RNF144B: variants seen among roughly 807,000 people sequenced by gnomAD.
The protein encoded by RNF144B is ring finger protein 144B.
A neutral mutation model predicts 40.2 loss-of-function variants in RNF144B; 25 were observed. The observed-to-expected ratio is 0.62, with a 90% CI of 0.45 to 0.87. RNF144B has a LOEUF of 0.87. Among genes scored for constraint, RNF144B ranks in the 40% least tolerant of loss-of-function variants. The pLI, the probability that RNF144B is intolerant of heterozygous loss-of-function variation, is 0.00. For synonymous variants in RNF144B, 145 were observed against 136.3 expected, an observed-to-expected ratio of 1.06 and a Z score of -0.44; for missense variants, 365 against 373.7, an observed-to-expected ratio of 0.98 and a Z score of 0.19.
In RNF144B at chr6:18,399,487, A is replaced by G. The variant is rs779068031; in HGVS notation, c.-36-12A>G. On this transcript the variant is annotated splice_polypyrimidine_tract_variant and intron_variant, in intron 1 of 7. Transcript: ENST00000259939. ...ATCCATATAATATTTTCTGCTTTGG[A>G]CCTTTCTATAGGGATTGAGGAGACT... is the stretch of plus-strand genomic sequence containing the variant. The G allele has an allele frequency of 6.3e-6, 10 of 1,585,302 alleles. No individual in the cohort carries two copies. Among genetic ancestry groups the G allele is most frequent in the African/African-American group, 1.3e-5 (1 of 74,174 alleles).
rs72832493 is a variant in RNF144B, at chr6:18,458,356, T to C, written c.536+997T>C. ...CAGCAAGAACAAAATACGAGTGTTGTAATCCCATTGGCTTAATCACACAGT... is the reference window on the plus strand; with the variant it reads ...CAGCAAGAACAAAATACGAGTGTTGCAATCCCATTGGCTTAATCACACAGT... On this transcript the variant is annotated intron_variant, in intron 5 of 7. Transcript: ENST00000259939. This position sits in a 1 kb window ranked among gnomAD's most constrained non-coding sequence, Gnocchi z 4.8. Among the ~76,000 whole-genome samples the C allele has an allele frequency of 0.013, 1,923 of 152,312 alleles. 22 individuals are homozygous for C. The highest frequency in any genetic ancestry group is 0.027 in the Middle Eastern group (8 of 294).
intron 2 of RNF144B, among the ~76,000 whole-genome samples, chr6:18,424,098 A>G (rs892804168): frequency 6.6e-6 from 1 of 152,154 alleles, no homozygotes; most frequent in Non-Finnish European, 1.5e-5. Context: ...TATAAGCTAG[A>G]TGCCAGTTTT....
At position 18,442,038 on chromosome 6, in the gene RNF144B, T is replaced by C. The variant is rs927590903; in HGVS notation, c.331+2294T>C. Among the ~76,000 whole-genome samples the C allele has an allele frequency of 6.6e-6, 1 of 152,230 alleles. No homozygotes were observed. Among genetic ancestry groups the C allele is most frequent in the Non-Finnish European group, 1.5e-5 (1 of 68,048 alleles). ...CTGAAGTAGATATTATTGATTGTCT[T>C]GTTGTCAGTGGGATTAGAACACTTG... On this transcript the variant is annotated intron_variant, in intron 4 of 7. Transcript: ENST00000259939. The surrounding 1 kb of genome is among the most constrained non-coding windows in gnomAD (Gnocchi z 4.3).
In RNF144B at chr6:18,465,214, G is replaced by T. The variant is rs770746788; in HGVS notation, c.*147G>T. 3 of 767,808 alleles carry T rather than the reference G, an allele frequency of 3.9e-6. No individual in the cohort carries two copies. Among genetic ancestry groups the T allele is most frequent in the Non-Finnish European group, 4.2e-6 (2 of 473,292 alleles). The allele number at this position is 767,808 out of a possible 1,614,324, so 47.6% of individuals were successfully genotyped here. ...CTTTGAACTTGCCTGCCAGCCTTCA[G>T]CATCAGGAAAGGCCAAGTCCTGGGT... On this transcript the variant is annotated 3_prime_UTR_variant, in exon 8 of 8. Transcript: ENST00000259939.
intron 3 of RNF144B, among the ~76,000 whole-genome samples, chr6:18,428,665 G>A (rs1288931149): frequency 1.3e-5 from 2 of 152,006 alleles, no homozygotes; most frequent in Non-Finnish European, 2.9e-5. Flanking sequence ...TGTTCATTTA[G>A]CAAACACAGA....
At chr6:18,407,098 A>G (rs1463830745) in intron 2 of RNF144B, among the ~76,000 whole-genome samples, 3 of 152,076 alleles carry the variant, frequency 2.0e-5, no homozygotes, top group East Asian at 3.9e-4. Context: ...ATAATTCAAG[A>G]TGAGATTTGG....
rs1296227962 is a variant in RNF144B, at chr6:18,444,879, T to G, written c.331+5135T>G. 6.6e-6 allele frequency among the ~76,000 whole-genome samples: 1 copy of G among 152,216 alleles called. No individual in the cohort carries two copies. Among genetic ancestry groups the G allele is most frequent in the East Asian group, 1.9e-4 (1 of 5,194 alleles). The stretch of plus-strand genomic sequence containing the variant: ...TCTCCTCAAGCCTCCTTTCATTTCA[T>G]GTCTTCACATTTATGATATTACTCT... On this transcript the variant is annotated intron_variant, in intron 4 of 7. Coordinates refer to ENST00000259939, the MANE Select transcript of RNF144B (RefSeq NM_182757.4). The surrounding 1 kb of genome is among the most constrained non-coding windows in gnomAD (Gnocchi z 4.3).
chr6:18,454,596 G>A (rs1759285487), intron 4 of RNF144B, among the ~76,000 whole-genome samples: 1 of 152,090 alleles, frequency 6.6e-6, no homozygotes, highest in Non-Finnish European at 1.5e-5. Context: ...TGTCATAATA[G>A]TGAAAAATAC....
chr6:18,421,876 C>T (rs1439834185), intron 2 of RNF144B, among the ~76,000 whole-genome samples: 1 of 152,050 alleles, frequency 6.6e-6, no homozygotes, highest in Non-Finnish European at 1.5e-5. Flanking sequence ...CGAGAACTGT[C>T]AAACCAAGGT....
chr6:18,432,291 C>T (rs1758712118), intron 3 of RNF144B, among the ~76,000 whole-genome samples: 1 of 152,064 alleles, frequency 6.6e-6, no homozygotes, highest in Non-Finnish European at 1.5e-5. Context: ...TCTACTGTTC[C>T]CTTGTATAGG....
rs934213592 is a variant in RNF144B at position 18,414,082 on chromosome 6, G to T, written c.166-13499G>T. ...AATCCTCGGGGGAATATTGTGAGGTGAGGAATAGTCGTGGTCTTGATGCAA... is the reference window on the plus strand; with the variant it reads ...AATCCTCGGGGGAATATTGTGAGGTTAGGAATAGTCGTGGTCTTGATGCAA... On this transcript the variant is annotated intron_variant, in intron 2 of 7. Transcript: ENST00000259939. This position sits in a 1 kb window ranked among gnomAD's most constrained non-coding sequence, Gnocchi z 4.9. 6.6e-6 allele frequency among the ~76,000 whole-genome samples: 1 copy of T among 152,188 alleles called. No homozygotes were observed. Among genetic ancestry groups the T allele is most frequent in the Non-Finnish European group, 1.5e-5 (1 of 68,026 alleles).
chr6:18,459,519 G>A lies in RNF144B; in HGVS notation c.537-88G>A, dbSNP rs1318396630. ...GGAAGTGAATTAAGCATGGATAACT[G>A]TGAGTTCATTATCTAACCATCAGGA... On this transcript the variant is annotated intron_variant, in intron 5 of 7. Transcript: ENST00000259939. The surrounding 1 kb of genome is among the most constrained non-coding windows in gnomAD (Gnocchi z 4.2). 1 of 1,346,424 alleles carries A rather than the reference G, an allele frequency of 7.4e-7. No homozygotes were observed. The highest frequency in any genetic ancestry group is 1.0e-6 in the Non-Finnish European group (1 of 962,870). 83.4% of individuals were successfully genotyped at this position (1,346,424 alleles called of 1,614,324 possible).
intron 1 of RNF144B, among the ~76,000 whole-genome samples, chr6:18,392,455 G>A (rs1189110762): frequency 6.6e-6 from 1 of 151,878 alleles, no homozygotes; most frequent in Non-Finnish European, 1.5e-5. Flanking sequence ...CTGATGAAGT[G>A]CCTACTTTTT....
chr6:18,395,003 T>A lies in RNF144B; in HGVS notation c.-36-4496T>A, dbSNP rs1794666645. Among the ~76,000 whole-genome samples, 1 of 152,314 alleles carries A rather than the reference T, an allele frequency of 6.6e-6. No homozygotes were observed. On this transcript the variant is annotated intron_variant, in intron 1 of 7. Coordinates refer to ENST00000259939, the MANE Select transcript of RNF144B (RefSeq NM_182757.4). The surrounding 1 kb of genome is among the most constrained non-coding windows in gnomAD (Gnocchi z 4.5). ...GTGATACCTGCTACCAACCTTAGAA[T>A]GCCTAAACTTGAAAGGCAGCTGTCA...
intron 2 of RNF144B, among the ~76,000 whole-genome samples, chr6:18,413,434 T>G (rs1795086254): frequency 6.6e-6 from 1 of 151,158 alleles, no homozygotes; most frequent in African/African-American, 2.4e-5. Context: ...CAGAATATAG[T>G]GGTGGCCATG....
At chr6:18,408,339 G>C (rs1794958637) in intron 2 of RNF144B, among the ~76,000 whole-genome samples, 1 of 152,086 alleles carries the variant, frequency 6.6e-6, no homozygotes. Context: ...TCTTCTTTAA[G>C]CTGAGAATCC....
rs1359729972 is a variant in RNF144B at position 18,442,581 on chromosome 6, A to G, written c.331+2837A>G. Among the ~76,000 whole-genome samples, 4 of 152,174 alleles carry G rather than the reference A, an allele frequency of 2.6e-5. No homozygotes were observed. The highest frequency in any genetic ancestry group is 7.2e-5 in the African/African-American group (3 of 41,436). On this transcript the variant is annotated intron_variant, in intron 4 of 7. Coordinates refer to ENST00000259939, the MANE Select transcript of RNF144B (RefSeq NM_182757.4). This position sits in a 1 kb window ranked among gnomAD's most constrained non-coding sequence, Gnocchi z 4.3. ...ACCTAACATAAAAGTTGCCATTTAA[A>G]CCATTTTTAGATGTGCAATTCAGTG...
chr6:18,415,094 C>G (rs1467556179), intron 2 of RNF144B, among the ~76,000 whole-genome samples: 1 of 152,026 alleles, frequency 6.6e-6, no homozygotes, highest in African/African-American at 2.4e-5. Flanking sequence ...CAATGTAAAT[C>G]TATATAAATG....
intron 3 of RNF144B, among the ~76,000 whole-genome samples, chr6:18,433,821 T>A (rs561867753): frequency 3.9e-5 from 6 of 152,324 alleles, no homozygotes; most frequent in Non-Finnish European, 7.3e-5. Context: ...AATGGGTGAA[T>A]GTGCTGTTTT....
Sources: allele counts gnomAD v4.1 joint callset (sites outside exome capture counted in the v4.1 genomes callset), GRCh38; gene constraint gnomAD v4.1.1; non-coding constraint Gnocchi (gnomAD v3.1); transcripts MANE v1.5; gene names NCBI Gene and HGNC (gene_info 2026-07-23, HGNC 2026-07-21).